The following PUM1 variants were observed in gnomAD, a reference collection of about 807,000 sequenced individuals.
PUM1 encodes the protein pumilio RNA binding family member 1, also known as pumilio homolog 1.
In PUM1, 13 loss-of-function variants were observed where a neutral mutation model predicts 131.8. That is an observed-to-expected ratio of 0.10 (90% confidence interval 0.06 to 0.16). The LOEUF (loss-of-function observed/expected upper bound fraction) is 0.16, where lower values mean the gene tolerates loss of function less well. PUM1 is among the 10% of genes least tolerant of loss of function. The pLI, the probability that PUM1 is intolerant of heterozygous loss-of-function variation, is 1.00. For missense variants in PUM1, 961 were observed against 1,512.4 expected (o/e 0.64, Z 6.05); for synonymous variants, 509 against 556.5 (o/e 0.91, Z 1.20).
At chr1:30,975,002 AATCCAG>A (rs1641075686) in intron 9 of PUM1, 200 bp from the exon 10 acceptor site, 2 of 384,824 alleles carry the variant, frequency 5.2e-6, no homozygotes, top group East Asian at 8.9e-5. Flanking sequence ...CTTCTAATAT[AATCCAG>A]GCCTAGAGGA....
intron 2 of PUM1, among the ~76,000 whole-genome samples, chr1:31,052,990 C>CACCA (rs1644148967): frequency 6.6e-6 from 1 of 151,378 alleles, no homozygotes; most frequent in South Asian, 2.1e-4. Context: ...AGGCATAAGC[C>CACCA]ACCACGCCTG....
intron 4 of PUM1, among the ~76,000 whole-genome samples, chr1:31,006,283 A>C (rs1402979150): frequency 6.6e-6 from 1 of 152,200 alleles, no homozygotes; most frequent in East Asian, 1.9e-4. Context: ...TGAGTGGATA[A>C]AATTTTTACC....
In PUM1 at chr1:30,967,251, C is replaced by T; in HGVS notation, c.1705G>A (p.Ala569Thr). ...GCTCCAAGACCATTTCTCGCGCCTG[C>T]ATTCACTACAAGGGCACCAGTTTGG... ...YDQTGALVVN[A>T]GARNGLGAPV... Residue 569 changes from alanine (A) to threonine (T), a missense_variant, in exon 12 of 22, where the codon GCA becomes ACA. Ala to Thr is a moderately conservative substitution (Grantham distance 58). Coordinates refer to ENST00000426105, the MANE Select transcript of PUM1 (RefSeq NM_001020658.2). 2 of 1,614,088 alleles carry T rather than the reference C, an allele frequency of 1.2e-6. No individual in the cohort carries two copies. The highest frequency in any genetic ancestry group is 2.7e-5 in the African/African-American group (2 of 75,038).
chr1:30,936,621 G>T (rs1346514335), intron 21 of PUM1, 22 bp downstream of exon 21: 3 of 1,601,104 alleles, frequency 1.9e-6, no homozygotes, highest in South Asian at 2.2e-5. Context: ...CTTTCTCTGA[G>T]ACCCTGCCCA....
chr1:31,033,517 C>A (rs990457771), intron 2 of PUM1, among the ~76,000 whole-genome samples: 3 of 151,602 alleles, frequency 2.0e-5, no homozygotes, highest in African/African-American at 7.3e-5. Flanking sequence ...CTCAGCCTCC[C>A]GAGTATCCAG....
At chr1:30,944,419 CAAA>C (rs1639586518) in intron 18 of PUM1, among the ~76,000 whole-genome samples, 1 of 151,542 alleles carries the variant, frequency 6.6e-6, no homozygotes. Context: ...AACAAACAAA[CAAA>C]AAAACACAAA....
chr1:31,055,363 A>G (rs893114992), intron 2 of PUM1: 13 of 456,138 alleles, frequency 2.9e-5, no homozygotes, highest in Middle Eastern at 6.5e-4. Flanking sequence ...AATCAACACG[A>G]AAGTTTCATA....
At chr1:30,972,639 C>T (rs61778258) in intron 10 of PUM1, among the ~76,000 whole-genome samples, 10,637 of 146,216 alleles carry the variant, frequency 0.073, 622 homozygotes, top group East Asian at 0.29. Context: ...CCAGGTGTGG[C>T]GGCACACACC....
rs1019795464 is a variant in PUM1, at chr1:30,966,353, T to C, written c.1790-75A>G. 9 of 1,442,200 alleles carry C rather than the reference T, an allele frequency of 6.2e-6. No individual in the cohort carries two copies. In the African/African-American group the frequency reaches 1.1e-4, roughly 18 times the overall value. The allele number at this position is 1,442,200 out of a possible 1,614,324, so 89.3% of individuals were successfully genotyped here. A position where few individuals can be genotyped will look rare whatever the true frequency, so the allele number is the denominator to read the frequency against. Reference sequence around the variant, plus strand: ...TTCCAAACTACATTTTTATCTTTTTTCAAAAAATCTTTTAATGCTGCCTAT... The same window carrying C: ...TTCCAAACTACATTTTTATCTTTTTCCAAAAAATCTTTTAATGCTGCCTAT... On this transcript the variant is annotated intron_variant, in intron 12 of 21. Coordinates refer to ENST00000426105, the MANE Select transcript of PUM1 (RefSeq NM_001020658.2).
At chr1:31,055,266 A>G in intron 2 of PUM1, 1 of 449,486 alleles carries the variant, frequency 2.2e-6, no homozygotes. Context: ...ACCTGTTGCC[A>G]TGTGTTTCCC....
chr1:31,010,007 TAAGCG>T (rs1164495396), intron 3 of PUM1, among the ~76,000 whole-genome samples: 2 of 151,982 alleles, frequency 1.3e-5, no homozygotes, highest in Admixed American at 6.6e-5. Flanking sequence ...GGTGAACACA[TAAGCG>T]AGGCTATTTT....
Position 31,005,870 on chromosome 1 carries a change from G to C in PUM1, c.703C>G (p.Leu235Val), listed in dbSNP as rs1642386769. ...CAACTTACAAATCCTCCTTTTCTTA[G>C]ACAGGAATCGCCCGGGGATGAGCTC... ...VLSSSPGDSC[L>V]RKGGFGPRDA... Residue 235 changes from leucine to valine, a missense_variant, in exon 5 of 22, where the codon CTA becomes GTA. Physicochemically the swap from Leu to Val is conservative, Grantham distance 32. Around this residue, in one of 4 missense-constraint regions of PUM1, gnomAD observed 654 missense variants for 923.9 expected, o/e 0.71. Transcript: ENST00000426105. The C allele has an allele frequency of 6.3e-7, 1 of 1,599,562 alleles. No homozygotes were observed. Among genetic ancestry groups the C allele is most frequent in the East Asian group, 2.2e-5 (1 of 44,578 alleles).
At chr1:31,045,677 C>T (rs184149232) in intron 2 of PUM1, among the ~76,000 whole-genome samples, 3 of 152,190 alleles carry the variant, frequency 2.0e-5, no homozygotes, top group Admixed American at 2.0e-4. Flanking sequence ...TGATGAGACT[C>T]ATAAAAATAT....
intron 16 of PUM1, 103 bp downstream of exon 16, chr1:30,952,131 T>C (rs1639960530): frequency 1.7e-6 from 2 of 1,144,286 alleles, no homozygotes; most frequent in Admixed American, 3.6e-5. Flanking sequence ...ACACCCTTCA[T>C]TCTGAGGACT....
At chr1:30,999,606 C>CAAAAA (rs56936440) in intron 5 of PUM1, among the ~76,000 whole-genome samples, 6 of 53,980 alleles carry the variant, frequency 1.1e-4, no homozygotes, top group East Asian at 6.8e-4. Context: ...GACTCTGTCT[C>CAAAAA]AAAAAAAAAA....
intron 18 of PUM1, among the ~76,000 whole-genome samples, chr1:30,943,200 T>C (rs1252846601): frequency 2.0e-5 from 3 of 152,248 alleles, no homozygotes; most frequent in Non-Finnish European, 4.4e-5. Context: ...AACATTATGA[T>C]TCCCATGTTC....
chr1:31,046,887 G>A (rs1354102614), intron 2 of PUM1, among the ~76,000 whole-genome samples: 1 of 151,958 alleles, frequency 6.6e-6, no homozygotes, highest in Non-Finnish European at 1.5e-5. Context: ...CTTACATGGA[G>A]GTGTAAGATT....
intron 2 of PUM1, among the ~76,000 whole-genome samples, chr1:31,038,956 TTTTATATATATA>T (rs1190843320): frequency 6.8e-4 from 29 of 42,538 alleles, no homozygotes; most frequent in Admixed American, 2.9e-3. Context: ...TGTTTTAAAA[TTTTATATATATA>T]TATATATATA....
chr1:31,034,608 A>G (rs938650681), intron 2 of PUM1, among the ~76,000 whole-genome samples: 7 of 152,124 alleles, frequency 4.6e-5, no homozygotes, highest in African/African-American at 1.7e-4. Context: ...AAAAAACAGA[A>G]AGCCTCCAAG....
Sources: allele counts gnomAD v4.1 joint callset (sites outside exome capture counted in the v4.1 genomes callset), GRCh38; gene constraint gnomAD v4.1.1; regional missense constraint gnomAD v4.1.1; transcripts MANE v1.5; gene names NCBI Gene and HGNC (gene_info 2026-07-23, HGNC 2026-07-21).